CD2AP: variants seen among roughly 807,000 people sequenced by gnomAD.
CD2AP encodes CD2-associated protein.
Under a neutral mutation model 85.1 loss-of-function variants are expected in CD2AP, and 46 were observed. That is an observed-to-expected ratio of 0.54 (90% CI 0.43 to 0.69). The LOEUF is 0.69. Ranked by LOEUF, CD2AP falls within the 30% of genes least tolerant of loss-of-function variation. The pLI is 0.00. For missense variants in CD2AP, 769 were observed against 729.5 expected, an observed-to-expected ratio of 1.05 and a Z score of -0.62; for synonymous variants, 255 against 252.9, an observed-to-expected ratio of 1.01 and a Z score of -0.08.
chr6:47,538,122 AT>A (rs1416947548), intron 3 of CD2AP, among the ~76,000 whole-genome samples: 247 of 152,270 alleles, frequency 1.6e-3, no homozygotes, highest in African/African-American at 5.7e-3. Flanking sequence ...CATGTAATGA[AT>A]ATTTCATTAC....
intron 5 of CD2AP, among the ~76,000 whole-genome samples, chr6:47,566,323 T>TATATATATATATATATATATATATAC: frequency 9.2e-6 from 1 of 108,456 alleles, no homozygotes; most frequent in African/African-American, 2.9e-5. Flanking sequence ...TATATATATA[T>TATATATATATATATATATATATATAC]ACACATACAC....
At chr6:47,522,982 T>G (rs1562014651) in intron 2 of CD2AP, among the ~76,000 whole-genome samples, 1 of 152,030 alleles carries the variant, frequency 6.6e-6, no homozygotes, top group Non-Finnish European at 1.5e-5. Context: ...AGGATGCTGA[T>G]TTAGTTTTTG....
At chr6:47,529,734 C>T (rs549439837) in intron 2 of CD2AP, among the ~76,000 whole-genome samples, 4 of 152,256 alleles carry the variant, frequency 2.6e-5, no homozygotes, top group South Asian at 2.1e-4. Flanking sequence ...ATGCTAAAAT[C>T]GGTTTCCTTG....
chr6:47,567,471 TA>T (rs112998980), intron 5 of CD2AP, among the ~76,000 whole-genome samples: 1 of 152,148 alleles, frequency 6.6e-6, no homozygotes, highest in East Asian at 1.9e-4. Flanking sequence ...AGGCATGATT[TA>T]CCCCCCTTGT....
intron 5 of CD2AP, among the ~76,000 whole-genome samples, chr6:47,558,549 C>T (rs913491301): frequency 1.3e-5 from 2 of 152,120 alleles, no homozygotes; most frequent in Non-Finnish European, 2.9e-5. Flanking sequence ...TGAATTTTAT[C>T]GAAGGCCTTT....
intron 3 of CD2AP, among the ~76,000 whole-genome samples, chr6:47,537,803 T>G (rs1767093415): frequency 6.6e-6 from 1 of 152,092 alleles, no homozygotes; most frequent in Admixed American, 6.6e-5. Context: ...AGAATTTTTT[T>G]TTTTTTTGGA....
intron 4 of CD2AP, among the ~76,000 whole-genome samples, chr6:47,552,927 A>T (rs1414132465): frequency 6.6e-6 from 1 of 151,754 alleles, no homozygotes; most frequent in Non-Finnish European, 1.5e-5. Flanking sequence ...AAGTTACTAT[A>T]GTTTTACTTT....
intron 2 of CD2AP, among the ~76,000 whole-genome samples, chr6:47,529,816 C>T (rs553107441): frequency 2.6e-5 from 4 of 152,294 alleles, no homozygotes; most frequent in African/African-American, 9.6e-5. Flanking sequence ...TACTGTATTT[C>T]AGATTGCCTA....
chr6:47,532,466 G>A (rs1195250799), intron 2 of CD2AP, among the ~76,000 whole-genome samples: 1 of 151,612 alleles, frequency 6.6e-6, no homozygotes, highest in Non-Finnish European at 1.5e-5. Context: ...AATATGAAAT[G>A]TGTGAGATAG....
intron 12 of CD2AP, among the ~76,000 whole-genome samples, chr6:47,597,379 G>A (rs1271660390): frequency 1.3e-5 from 2 of 150,570 alleles, no homozygotes; most frequent in African/African-American, 2.4e-5. Flanking sequence ...GGCTGCATAT[G>A]ATGATGTTAG....
intron 2 of CD2AP, among the ~76,000 whole-genome samples, chr6:47,503,650 A>G (rs1417424369): frequency 1.3e-5 from 2 of 152,186 alleles, no homozygotes; most frequent in African/African-American, 2.4e-5. Context: ...GTGTTTGTGT[A>G]TATATGCTTG....
intron 16 of CD2AP, chr6:47,609,534 A>AAAGAAAAG (rs1175700736): frequency 1.7e-5 from 6 of 356,176 alleles, no homozygotes; most frequent in Admixed American, 4.6e-5. Context: ...AAAAAAAAGA[A>AAAGAAAAG]AAGAAAAGAA....
At chr6:47,488,886 C>CT (rs1351418423) in intron 1 of CD2AP, among the ~76,000 whole-genome samples, 1 of 151,692 alleles carries the variant, frequency 6.6e-6, no homozygotes, top group East Asian at 1.9e-4. Flanking sequence ...GTGAGTCTTT[C>CT]TTAAAAAAAA....
At chr6:47,521,501 G>T (rs887550380) in intron 2 of CD2AP, among the ~76,000 whole-genome samples, 6 of 152,010 alleles carry the variant, frequency 3.9e-5, no homozygotes, top group African/African-American at 1.2e-4. Flanking sequence ...GCAGTGAGCC[G>T]AAATCGCACC....
rs369465719 is a variant in CD2AP, at chr6:47,507,869, G to C, written c.165+4429G>C. ...CATCTTCTTGTACATTTCCAACAGA[G>C]CTCTTGGGTGATCAGATGCATCATC... On this transcript the variant is annotated intron_variant, in intron 2 of 17. Transcript: ENST00000359314. Among the ~76,000 whole-genome samples the C allele has an allele frequency of 4.6e-5, 7 of 152,322 alleles. No individual in the cohort carries two copies. In the East Asian group the frequency reaches 9.6e-4, roughly 21 times the overall value.
chr6:47,554,894 TAAA>T (rs1164873982), intron 5 of CD2AP, 128 bp downstream of exon 5: 2 of 825,804 alleles, frequency 2.4e-6, no homozygotes, highest in East Asian at 5.5e-5. Flanking sequence ...TAGTCTACTT[TAAA>T]AAAGCAAATT....
At chr6:47,531,535 A>G (rs990381495) in intron 2 of CD2AP, among the ~76,000 whole-genome samples, 1 of 150,092 alleles carries the variant, frequency 6.7e-6, no homozygotes, top group Non-Finnish European at 1.5e-5. Flanking sequence ...CCACTGAGCC[A>G]GTGCATACCT....
At chr6:47,512,546 G>C (rs533154214) in intron 2 of CD2AP, among the ~76,000 whole-genome samples, 1 of 152,298 alleles carries the variant, frequency 6.6e-6, no homozygotes, top group Non-Finnish European at 1.5e-5. Context: ...AAAAACTTTA[G>C]ACACCATAAG....
chr6:47,589,801 T>C (rs1388626708), intron 11 of CD2AP, among the ~76,000 whole-genome samples: 3 of 151,838 alleles, frequency 2.0e-5, no homozygotes, highest in African/African-American at 7.3e-5. Context: ...TCAAAGCTCA[T>C]GAAAGAGGAG....
Sources: gnomAD v4.1 joint callset for allele counts (sites outside exome capture counted in the v4.1 genomes callset) on GRCh38, gnomAD v4.1.1 for gene constraint, MANE v1.5 for transcripts, NCBI Gene and HGNC (gene_info 2026-07-23, HGNC 2026-07-21) for gene names.